The following OSBPL3 variants were observed in gnomAD, a reference collection of about 807,000 sequenced individuals.
OSBPL3 encodes the protein oxysterol binding protein like 3.
A neutral mutation model predicts 120.1 loss-of-function variants in OSBPL3; 65 were observed. That is an observed-to-expected ratio of 0.54 (90% CI 0.44 to 0.67). OSBPL3 has a LOEUF of 0.67. Ranked by LOEUF, OSBPL3 falls within the 30% of genes least tolerant of loss-of-function variation. OSBPL3 has a pLI of 0.00. For synonymous variants in OSBPL3, 416 were observed against 402.6 expected (o/e 1.03, Z -0.40); for missense variants, 1,004 against 1,082.1 (o/e 0.93, Z 1.01).
rs1806766271 is a variant in OSBPL3, at chr7:24,900,074, A to G, written c.-149-7453T>C. 6.6e-6 allele frequency among the ~76,000 whole-genome samples: 1 copy of G among 152,208 alleles called. No individual in the cohort carries two copies. Among genetic ancestry groups the G allele is most frequent in the South Asian group, 2.1e-4 (1 of 4,830 alleles). On this transcript the variant is annotated intron_variant, in intron 1 of 22. Coordinates refer to ENST00000313367, the MANE Select transcript of OSBPL3 (RefSeq NM_015550.4). This position sits in a 1 kb window ranked among gnomAD's most constrained non-coding sequence, Gnocchi z 4.5. ...ATTATCGTAGTCCTGTGGTTTTTAA[A>G]GAGGGGCCCTAAGACTTGCAGCATC... is the stretch of plus-strand genomic sequence containing the variant.
intron 1 of OSBPL3, among the ~76,000 whole-genome samples, chr7:24,960,161 C>A (rs1184843466): frequency 6.6e-6 from 1 of 152,068 alleles, no homozygotes; most frequent in Non-Finnish European, 1.5e-5. Flanking sequence ...GCACAACAGA[C>A]AAAGAGAGTG....
At chr7:24,907,918 T>C (rs1374159784) in intron 1 of OSBPL3, among the ~76,000 whole-genome samples, 1 of 152,252 alleles carries the variant, frequency 6.6e-6, no homozygotes, top group East Asian at 1.9e-4. Flanking sequence ...GCAATCTTTG[T>C]TGAGCCAAGG....
chr7:24,868,338 AGTGTGTGTG>A, intron 5 of OSBPL3, among the ~76,000 whole-genome samples: 1 of 137,948 alleles, frequency 7.2e-6, no homozygotes, highest in African/African-American at 2.7e-5. Flanking sequence ...AAAAAAAAAA[AGTGTGTGTG>A]TGTGTGTGTG....
At chr7:24,856,694 C>T (rs10259998) in intron 10 of OSBPL3, among the ~76,000 whole-genome samples, 42,321 of 151,982 alleles carry the variant, frequency 0.28, 6,596 homozygotes, top group East Asian at 0.61. Flanking sequence ...ATCTGAGGAG[C>T]GCTTTAAGCA....
At chr7:24,837,555 G>C (rs1274659957) in intron 14 of OSBPL3, among the ~76,000 whole-genome samples, 1 of 152,092 alleles carries the variant, frequency 6.6e-6, no homozygotes, top group Non-Finnish European at 1.5e-5. Context: ...AATTTTCTTT[G>C]ATTACACTAA....
chr7:24,865,924 G>T, intron 6 of OSBPL3, 146 bp downstream of exon 6: 1 of 642,218 alleles, frequency 1.6e-6, no homozygotes, highest in African/African-American at 1.8e-5. Context: ...TGACTCAGTG[G>T]GCAAACAGAC....
At chr7:24,949,272 T>C (rs1272789100) in intron 1 of OSBPL3, among the ~76,000 whole-genome samples, 1 of 152,144 alleles carries the variant, frequency 6.6e-6, no homozygotes, top group East Asian at 1.9e-4. Flanking sequence ...ACAGTATTCA[T>C]CACATACTGT....
intron 11 of OSBPL3, among the ~76,000 whole-genome samples, chr7:24,850,867 CA>C (rs1301673491): frequency 6.6e-5 from 10 of 152,130 alleles, no homozygotes; most frequent in African/African-American, 2.2e-4. Context: ...ATTTTATTTT[CA>C]AAAAACAAGT....
rs904628888 is a variant in OSBPL3, at chr7:24,939,921, T to C, written c.-150+39965A>G. ...AAAACCTAGATGATGGGTTGGCAGG[T>C]GCAGCAAATCACCATGGCACATGTA... is the stretch of plus-strand genomic sequence containing the variant. On this transcript the variant is annotated intron_variant, in intron 1 of 22. Transcript: ENST00000313367. This position sits in a 1 kb window ranked among gnomAD's most constrained non-coding sequence, Gnocchi z 4.2. 2.0e-5 allele frequency among the ~76,000 whole-genome samples: 3 copies of C among 152,166 alleles called. No individual in the cohort carries two copies. The highest frequency in any genetic ancestry group is 2.9e-5 in the Non-Finnish European group (2 of 68,022).
Position 24,852,134 on chromosome 7 carries a change from T to C in OSBPL3, c.1158+370A>G, listed in dbSNP as rs1270697742. 6.6e-6 allele frequency among the ~76,000 whole-genome samples: 1 copy of C among 152,198 alleles called. No individual in the cohort carries two copies. Among genetic ancestry groups the C allele is most frequent in the East Asian group, 1.9e-4 (1 of 5,200 alleles). On this transcript the variant is annotated intron_variant, in intron 11 of 22. Coordinates refer to ENST00000313367, the MANE Select transcript of OSBPL3 (RefSeq NM_015550.4). The surrounding 1 kb of genome is among the most constrained non-coding windows in gnomAD (Gnocchi z 4.1). Reference sequence around the variant, plus strand: ...CATTTGGAAAGTAAGGCTAAGCTTGTGGTGTCTCATGCCCATAAAATTTCC... The same window carrying C: ...CATTTGGAAAGTAAGGCTAAGCTTGCGGTGTCTCATGCCCATAAAATTTCC...
chr7:24,907,561 C>T (rs149926930), intron 1 of OSBPL3, among the ~76,000 whole-genome samples: 1 of 152,230 alleles, frequency 6.6e-6, no homozygotes, highest in Non-Finnish European at 1.5e-5. Context: ...TATATACATA[C>T]CCTGTATTCT....
At chr7:24,865,897 T>G in intron 6 of OSBPL3, among the ~76,000 whole-genome samples, 173 bp downstream of exon 6, 1 of 152,142 alleles carries the variant, frequency 6.6e-6, no homozygotes, top group East Asian at 1.9e-4. Context: ...TAATAGATGC[T>G]TGTCTGGTCT....
chr7:24,875,654 A>G (rs928111952), intron 2 of OSBPL3, among the ~76,000 whole-genome samples: 27 of 152,126 alleles, frequency 1.8e-4, no homozygotes, highest in African/African-American at 6.3e-4. Flanking sequence ...AAGGCTACAG[A>G]GTGCTATGAG....
At position 24,817,958 on chromosome 7, in the gene OSBPL3, C is replaced by T. The variant is rs1166000737; in HGVS notation, c.1949-1270G>A. Among the ~76,000 whole-genome samples the T allele has an allele frequency of 1.3e-5, 2 of 152,176 alleles. No individual in the cohort carries two copies. Among genetic ancestry groups the T allele is most frequent in the Non-Finnish European group, 1.5e-5 (1 of 68,042 alleles). On this transcript the variant is annotated intron_variant, in intron 17 of 22. Transcript: ENST00000313367. The surrounding 1 kb of genome is among the most constrained non-coding windows in gnomAD (Gnocchi z 4.0). ...AAGAGGATCCCATCTGGCTGCTGCACTGAGGATCTACAGATCACAGGGAAA... is the reference window on the plus strand; with the variant it reads ...AAGAGGATCCCATCTGGCTGCTGCATTGAGGATCTACAGATCACAGGGAAA...
chr7:24,915,840 G>A (rs963416241), intron 1 of OSBPL3, among the ~76,000 whole-genome samples: 1 of 152,124 alleles, frequency 6.6e-6, no homozygotes, highest in Non-Finnish European at 1.5e-5. Context: ...ATCCCAAAGT[G>A]CTAGGATTAC....
chr7:24,924,213 A>T (rs1360019669), intron 1 of OSBPL3, among the ~76,000 whole-genome samples: 2 of 152,218 alleles, frequency 1.3e-5, no homozygotes, highest in Non-Finnish European at 2.9e-5. Flanking sequence ...AAAATGCTGA[A>T]TATAAAAGTA....
intron 14 of OSBPL3, among the ~76,000 whole-genome samples, chr7:24,839,991 CAAAAAAAAAA>C (rs71675250): frequency 9.4e-5 from 5 of 53,300 alleles, no homozygotes; most frequent in East Asian, 1.1e-3. Flanking sequence ...CTCCATCTCA[CAAAAAAAAAA>C]AAAAAAAAAA....
In OSBPL3 at chr7:24,892,567, T is replaced by C; in HGVS notation, c.-95A>G. On this transcript the variant is annotated 5_prime_UTR_variant, in exon 2 of 23. Coordinates refer to ENST00000313367, the MANE Select transcript of OSBPL3 (RefSeq NM_015550.4). ...AGTCCCCAGTGGCAGGTGGTTTAGC[T>C]CTTATCCAAAGTATTTAAAAAACAT... 4 of 1,496,620 alleles carry C rather than the reference T, an allele frequency of 2.7e-6. No individual in the cohort carries two copies. The highest frequency in any genetic ancestry group is 3.6e-6 in the Non-Finnish European group (4 of 1,110,332). The allele number at this position is 1,496,620 out of a possible 1,614,324, so 92.7% of individuals were successfully genotyped here. A position where few individuals can be genotyped will look rare whatever the true frequency, so the allele number is the denominator to read the frequency against.
At chr7:24,845,677 T>C (rs1020292064) in intron 12 of OSBPL3, among the ~76,000 whole-genome samples, 37 of 151,426 alleles carry the variant, frequency 2.4e-4, no homozygotes, top group South Asian at 2.1e-4. Context: ...AAAAAATAGA[T>C]CTAATCAACA....
Sources: allele counts gnomAD v4.1 joint callset (sites outside exome capture counted in the v4.1 genomes callset), GRCh38; gene constraint gnomAD v4.1.1; non-coding constraint Gnocchi (gnomAD v3.1); transcripts MANE v1.5; gene names NCBI Gene and HGNC (gene_info 2026-07-23, HGNC 2026-07-21).